IL1RAPL1: variants seen among roughly 807,000 people sequenced by gnomAD.
IL1RAPL1 encodes the protein interleukin 1 receptor accessory protein like 1.
A neutral mutation model predicts 48.4 loss-of-function variants in IL1RAPL1; 3 were observed. That is an observed-to-expected ratio of 0.06 (90% CI 0.03 to 0.16). IL1RAPL1 has a LOEUF of 0.16. Ranked by LOEUF, IL1RAPL1 falls within the 10% of genes least tolerant of loss-of-function variation. IL1RAPL1 has a pLI of 1.00. For missense variants in IL1RAPL1, 349 were observed against 530.6 expected (o/e 0.66, Z 3.36); for synonymous variants, 185 against 187.7 (o/e 0.99, Z 0.12).
At chrX:29,932,430 A>T (rs1932962498) in intron 8 of IL1RAPL1, among the ~76,000 whole-genome samples, 1 of 112,218 alleles carries the variant, frequency 8.9e-6, no homozygotes, top group Admixed American at 9.5e-5. Flanking sequence ...ATATTTATTG[A>T]AAAGGTACAT....
At chrX:29,205,805 G>T (rs1930653882) in intron 2 of IL1RAPL1, among the ~76,000 whole-genome samples, 1 of 109,719 alleles carries the variant, frequency 9.1e-6, no homozygotes, top group Admixed American at 9.9e-5. Context: ...TGTGACGTCG[G>T]CTCACTGCAA....
At chrX:29,705,557 C>G (rs1051625027) in intron 6 of IL1RAPL1, among the ~76,000 whole-genome samples, 1 of 112,214 alleles carries the variant, frequency 8.9e-6, no homozygotes, top group African/African-American at 3.2e-5. Context: ...CTCCTAGCCC[C>G]ATATGGCAGG....
At chrX:29,510,499 C>G (rs1935383058) in intron 5 of IL1RAPL1, among the ~76,000 whole-genome samples, 1 of 112,159 alleles carries the variant, frequency 8.9e-6, no homozygotes, top group African/African-American at 3.2e-5. Context: ...GTTCAAATAT[C>G]AAAATATTTC....
intron 6 of IL1RAPL1, among the ~76,000 whole-genome samples, chrX:29,686,408 T>TTTAA (rs1232835176): frequency 9.0e-6 from 1 of 110,728 alleles, no homozygotes; most frequent in African/African-American, 3.3e-5. Context: ...GTCTGAGGAT[T>TTTAA]TTAATTTCCA....
At position 28,972,477 on chromosome X, in the gene IL1RAPL1, G is replaced by T. The variant is rs371357953; in HGVS notation, c.82+183052G>T. Among the ~76,000 whole-genome samples the T allele has an allele frequency of 9.9e-5, 11 of 111,500 alleles. No homozygotes were observed. In the South Asian group the frequency reaches 1.1e-3, roughly 11 times the overall value. ...CTGTGGGTCGGGCGCGGTGGCTCAC[G>T]CCTGTAATCCCAGCACTTTGGGAGG... On this transcript the variant is annotated intron_variant, in intron 2 of 10. Coordinates refer to ENST00000378993, the MANE Select transcript of IL1RAPL1 (RefSeq NM_014271.4).
At chrX:29,518,453 C>T (rs1048225348) in intron 5 of IL1RAPL1, among the ~76,000 whole-genome samples, 2 of 110,137 alleles carry the variant, frequency 1.8e-5, no homozygotes, top group African/African-American at 3.3e-5. Context: ...GGGGGTCGAG[C>T]GTGGAGAGTG....
At chrX:28,787,265 A>G (rs1296477237) in intron 1 of IL1RAPL1, among the ~76,000 whole-genome samples, 1 of 112,036 alleles carries the variant, frequency 8.9e-6, no homozygotes, top group African/African-American at 3.2e-5. Flanking sequence ...TGGGTCCTGG[A>G]GTTTCTTGGG....
At chrX:28,814,951 C>T (rs745409852) in intron 2 of IL1RAPL1, among the ~76,000 whole-genome samples, 12 of 109,840 alleles carry the variant, frequency 1.1e-4, no homozygotes, top group Non-Finnish European at 9.5e-5. Flanking sequence ...GCTGCTGGTA[C>T]TTTATAATAC....
chrX:29,837,272 A>ATATAT (rs1555925869), intron 6 of IL1RAPL1, among the ~76,000 whole-genome samples: 1 of 72,118 alleles, frequency 1.4e-5, no homozygotes, highest in Admixed American at 1.7e-4. Flanking sequence ...AAAAAAAAAA[A>ATATAT]ATATATATAT....
At chrX:28,872,974 T>G (rs1601939690) in intron 2 of IL1RAPL1, among the ~76,000 whole-genome samples, 1 of 111,561 alleles carries the variant, frequency 9.0e-6, no homozygotes, top group East Asian at 2.8e-4. Flanking sequence ...TATTCTGCCT[T>G]CAGTTTGCTT....
chrX:29,478,202 C>A (rs752914593), intron 5 of IL1RAPL1, among the ~76,000 whole-genome samples: 6 of 112,050 alleles, frequency 5.4e-5, no homozygotes, highest in Admixed American at 9.5e-5. Context: ...ATCTGATTCC[C>A]CTTCACACCT....
At chrX:29,832,435 C>T (rs1930900708) in intron 6 of IL1RAPL1, among the ~76,000 whole-genome samples, 1 of 111,078 alleles carries the variant, frequency 9.0e-6, no homozygotes, top group Non-Finnish European at 1.9e-5. Context: ...GGGTGTGAGT[C>T]GGGAATTAGA....
Position 29,090,897 on chromosome X carries a change from A to G in IL1RAPL1, c.83-192041A>G, listed in dbSNP as rs184838841. 6.5e-3 allele frequency among the ~76,000 whole-genome samples: 732 copies of G among 112,215 alleles called. 7 individuals carry two copies. The highest frequency in any genetic ancestry group is 0.022 in the African/African-American group (685 of 30,984). On this transcript the variant is annotated intron_variant, in intron 2 of 10. Coordinates refer to ENST00000378993, the MANE Select transcript of IL1RAPL1 (RefSeq NM_014271.4). ...CATAGAGGCTGAGAACTTTCTCTGC[A>G]TGGCTTTTCAAACGATTTATATAAA...
At chrX:29,542,198 C>T (rs1273929078) in intron 5 of IL1RAPL1, among the ~76,000 whole-genome samples, 1 of 111,122 alleles carries the variant, frequency 9.0e-6, no homozygotes, top group Non-Finnish European at 1.9e-5. Context: ...TAACTGAAAT[C>T]AGGTGTTCTA....
At chrX:28,874,343 T>G (rs944196615) in intron 2 of IL1RAPL1, among the ~76,000 whole-genome samples, 1 of 112,305 alleles carries the variant, frequency 8.9e-6, no homozygotes. Context: ...TTTATTCACA[T>G]ACTACTGGTA....
chrX:29,791,983 G>A (rs1569169646), intron 6 of IL1RAPL1, among the ~76,000 whole-genome samples: 2 of 110,247 alleles, frequency 1.8e-5, no homozygotes, highest in East Asian at 5.7e-4. Flanking sequence ...TGCCCTCCTC[G>A]GCCTCCCAAA....
intron 2 of IL1RAPL1, among the ~76,000 whole-genome samples, chrX:28,970,678 A>G (rs955929892): frequency 8.9e-6 from 1 of 112,000 alleles, no homozygotes; most frequent in Non-Finnish European, 1.9e-5. Flanking sequence ...CATTGAAGTT[A>G]GAAACTCTTG....
intron 2 of IL1RAPL1, among the ~76,000 whole-genome samples, chrX:29,221,605 A>G (rs755180601): frequency 9.7e-4 from 90 of 92,866 alleles, no homozygotes; most frequent in African/African-American, 2.8e-3. Flanking sequence ...CAAAGGAGCA[A>G]TGTATACACA....
intron 5 of IL1RAPL1, among the ~76,000 whole-genome samples, chrX:29,640,112 A>G (rs1466209626): frequency 8.9e-6 from 1 of 112,081 alleles, no homozygotes; most frequent in Non-Finnish European, 1.9e-5. Flanking sequence ...ACTCATGTGG[A>G]AGGCTGCCTT....
Sources: gnomAD v4.1 joint callset for allele counts (sites outside exome capture counted in the v4.1 genomes callset) on GRCh38, gnomAD v4.1.1 for gene constraint, MANE v1.5 for transcripts, NCBI Gene and HGNC (gene_info 2026-07-23, HGNC 2026-07-21) for gene names.